LOC400499: variants seen among roughly 807,000 people sequenced by gnomAD.
chr16:11,442,106 G>C, the LOC400499 span: 1 of 152,210 alleles, frequency 6.6e-6, no homozygotes. Flanking sequence ...TTTATCACTG[G>C]AGTGCATCTT....
chr16:11,398,323 G>A, the LOC400499 span: 885 of 1,232,060 alleles, frequency 7.2e-4, 6 homozygotes, highest in African/African-American at 0.012. Flanking sequence ...TCCTCCAGCT[G>A]CCCCCTTCTG....
At chr16:11,433,250 C>G in the LOC400499 span, among the ~76,000 whole-genome samples, 1 of 152,126 alleles carries the variant, frequency 6.6e-6, no homozygotes, top group Non-Finnish European at 1.5e-5. Flanking sequence ...TAATTTGCCT[C>G]GAATCCTTTT....
At chr16:11,393,076 G>C in the LOC400499 span, among the ~76,000 whole-genome samples, 2 of 151,854 alleles carry the variant, frequency 1.3e-5, no homozygotes, top group Non-Finnish European at 2.9e-5. Context: ...GGATGGTCTC[G>C]ATCTCCTGAC....
At chr16:11,430,700 C>T in the LOC400499 span, among the ~76,000 whole-genome samples, 16 of 152,226 alleles carry the variant, frequency 1.1e-4, no homozygotes, top group African/African-American at 3.6e-4. Context: ...TCTAGTGTTA[C>T]GTCAAAATAA....
the LOC400499 span, among the ~76,000 whole-genome samples, chr16:11,506,297 T>C: frequency 6.6e-6 from 1 of 152,202 alleles, no homozygotes; most frequent in African/African-American, 2.4e-5. Context: ...AGTGCTGGGA[T>C]TATAGGCATG....
the LOC400499 span, among the ~76,000 whole-genome samples, chr16:11,391,094 G>A: frequency 6.6e-6 from 1 of 152,246 alleles, no homozygotes; most frequent in African/African-American, 2.4e-5. Context: ...CTGCCCTGGG[G>A]GTGGTCACAG....
At chr16:11,395,211 G>C in the LOC400499 span, among the ~76,000 whole-genome samples, 1 of 152,200 alleles carries the variant, frequency 6.6e-6, no homozygotes, top group African/African-American at 2.4e-5. Flanking sequence ...TGTAGCCTGG[G>C]TGAATGCCTG....
chr16:11,407,119 G>C, the LOC400499 span: 2 of 397,852 alleles, frequency 5.0e-6, no homozygotes, highest in East Asian at 7.1e-5. Context: ...GGGACACTAG[G>C]ACAATTTTTC....
the LOC400499 span, among the ~76,000 whole-genome samples, chr16:11,415,478 G>A: frequency 2.0e-5 from 3 of 152,178 alleles, no homozygotes; most frequent in Non-Finnish European, 2.9e-5. Context: ...AAGGGACAGC[G>A]TCCAGAGTGA....
the LOC400499 span, among the ~76,000 whole-genome samples, chr16:11,454,167 A>G: frequency 6.6e-6 from 1 of 152,242 alleles, no homozygotes; most frequent in Non-Finnish European, 1.5e-5. Context: ...AATTAATTCA[A>G]AACAATGGAG....
the LOC400499 span, chr16:11,412,793 G>C: frequency 2.0e-4 from 78 of 398,760 alleles, no homozygotes; most frequent in African/African-American, 1.5e-3. Context: ...CAGGTACCCA[G>C]TCAATGGTTC....
the LOC400499 span, among the ~76,000 whole-genome samples, chr16:11,483,881 G>C: frequency 6.6e-6 from 1 of 150,866 alleles, no homozygotes; most frequent in Non-Finnish European, 1.5e-5. Flanking sequence ...TCAAAAAAAA[G>C]GACATGCTGT....
At chr16:11,413,899 G>T in the LOC400499 span, among the ~76,000 whole-genome samples, 1 of 152,190 alleles carries the variant, frequency 6.6e-6, no homozygotes, top group Admixed American at 6.5e-5. Flanking sequence ...AGGCCACACA[G>T]CTGGCAAGCA....
At chr16:11,422,422 G>A in the LOC400499 span, among the ~76,000 whole-genome samples, 4 of 152,004 alleles carry the variant, frequency 2.6e-5, no homozygotes, top group Non-Finnish European at 4.4e-5. Context: ...GAATGGGACG[G>A]AAAGGAACAG....
chr16:11,438,981 C>G, the LOC400499 span, among the ~76,000 whole-genome samples: 1 of 152,000 alleles, frequency 6.6e-6, no homozygotes, highest in Admixed American at 6.6e-5. Context: ...CTCCTGAGGG[C>G]CTCATCCCTG....
chr16:11,430,981 G>C, the LOC400499 span: 1 of 398,872 alleles, frequency 2.5e-6, no homozygotes, highest in Admixed American at 4.4e-5. Context: ...AATCTACCTT[G>C]CAGTTCCAAA....
the LOC400499 span, among the ~76,000 whole-genome samples, chr16:11,503,065 G>C: frequency 6.6e-6 from 1 of 151,764 alleles, no homozygotes; most frequent in Non-Finnish European, 1.5e-5. Context: ...GGGAATACTG[G>C]TGTGCATCAC....
the LOC400499 span, among the ~76,000 whole-genome samples, chr16:11,516,885 A>T: frequency 6.6e-6 from 1 of 152,174 alleles, no homozygotes; most frequent in Non-Finnish European, 1.5e-5. Flanking sequence ...GAGCTCAAGC[A>T]ATCCTCCAGC....
the LOC400499 span, among the ~76,000 whole-genome samples, chr16:11,427,614 T>A: frequency 1.3e-5 from 2 of 152,068 alleles, no homozygotes; most frequent in South Asian, 4.1e-4. Flanking sequence ...CAACTAATTT[T>A]TTTAAAATTT....
Sources: allele counts gnomAD v4.1 joint callset (sites outside exome capture counted in the v4.1 genomes callset), GRCh38; gene constraint gnomAD v4.1.1; transcripts MANE v1.5.